PCDH15: variants seen among roughly 807,000 people sequenced by gnomAD.
The protein encoded by PCDH15 is protocadherin-15.
A neutral mutation model predicts 178.5 loss-of-function variants in PCDH15; 129 were observed. The ratio of observed to expected loss-of-function variants is 0.72; its 90% CI spans 0.63 to 0.84. The LOEUF is 0.84. Ranked by LOEUF, PCDH15 falls within the 40% of genes least tolerant of loss-of-function variation. PCDH15 has a pLI of 0.00. For synonymous variants in PCDH15, 800 were observed against 732.0 expected, an observed-to-expected ratio of 1.09 and a Z score of -1.50; for missense variants, 2,230 against 2,099.9, an observed-to-expected ratio of 1.06 and a Z score of -1.21.
intron 2 of PCDH15, among the ~76,000 whole-genome samples, chr10:55,538,320 G>A (rs1411402487): frequency 6.6e-6 from 1 of 152,186 alleles, no homozygotes; most frequent in Non-Finnish European, 1.5e-5. Flanking sequence ...TCCCCATCCA[G>A]ACTAAATAGA....
At chr10:54,356,534 C>T (rs1565064139) in intron 5 of PCDH15, among the ~76,000 whole-genome samples, 1 of 151,222 alleles carries the variant, frequency 6.6e-6, no homozygotes, top group Non-Finnish European at 1.5e-5. Context: ...TATATATACA[C>T]TTAATGTATG....
chr10:55,447,076 G>T (rs1336603174), intron 2 of PCDH15, among the ~76,000 whole-genome samples: 1 of 152,012 alleles, frequency 6.6e-6, no homozygotes, highest in Non-Finnish European at 1.5e-5. Flanking sequence ...GCATAAAGAA[G>T]TGTCAAACAC....
intron 3 of PCDH15, among the ~76,000 whole-genome samples, chr10:54,469,562 G>A (rs1305131320): frequency 6.7e-6 from 1 of 149,466 alleles, no homozygotes; most frequent in Non-Finnish European, 1.5e-5. Context: ...GGGCCATCAG[G>A]TGGGCCAGTC....
At chr10:53,915,061 G>A (rs1452769467) in intron 25 of PCDH15, among the ~76,000 whole-genome samples, 1 of 152,048 alleles carries the variant, frequency 6.6e-6, no homozygotes, top group African/African-American at 2.4e-5. Flanking sequence ...GGGGTTTATA[G>A]ATACATATTT....
chr10:54,428,127 G>C (rs1053170639), intron 3 of PCDH15, among the ~76,000 whole-genome samples: 5 of 152,096 alleles, frequency 3.3e-5, no homozygotes, highest in African/African-American at 9.7e-5. Context: ...ACACTCATAG[G>C]GGATATCAGC....
intron 1 of PCDH15, among the ~76,000 whole-genome samples, chr10:54,756,847 T>G (rs2133080992): frequency 6.6e-6 from 1 of 152,288 alleles, no homozygotes; most frequent in South Asian, 2.1e-4. Context: ...TCTCGGCACT[T>G]TAACTGTCTT....
chr10:55,611,984 G>T (rs775693819), intron 2 of PCDH15, among the ~76,000 whole-genome samples: 28 of 151,966 alleles, frequency 1.8e-4, no homozygotes, highest in Non-Finnish European at 4.0e-4. Flanking sequence ...ACTCATAGAA[G>T]TAAAGAGTAG....
intron 2 of PCDH15, among the ~76,000 whole-genome samples, chr10:55,491,286 G>A (rs1840409949): frequency 6.6e-6 from 1 of 151,720 alleles, no homozygotes; most frequent in Non-Finnish European, 1.5e-5. Flanking sequence ...TCCACCTCTA[G>A]ACTCAGTTGC....
At chr10:55,335,420 G>A (rs1294176184) in intron 2 of PCDH15, among the ~76,000 whole-genome samples, 1 of 152,142 alleles carries the variant, frequency 6.6e-6, no homozygotes, top group Non-Finnish European at 1.5e-5. Flanking sequence ...TACTGATTAG[G>A]AGATTAGGGA....
At chr10:54,640,385 T>C (rs1001541313) in intron 2 of PCDH15, among the ~76,000 whole-genome samples, 8 of 152,024 alleles carry the variant, frequency 5.3e-5, no homozygotes, top group Non-Finnish European at 1.0e-4. Flanking sequence ...ACACTTGAGA[T>C]ATATAAGTAT....
intron 16 of PCDH15, among the ~76,000 whole-genome samples, chr10:54,088,192 C>T (rs1158902912): frequency 1.3e-5 from 2 of 152,132 alleles, no homozygotes; most frequent in Admixed American, 6.6e-5. Flanking sequence ...ATTTCAGTAT[C>T]TCCACATTCT....
At chr10:55,296,134 G>T (rs995556423) in intron 1 of PCDH15, among the ~76,000 whole-genome samples, 1 of 152,150 alleles carries the variant, frequency 6.6e-6, no homozygotes, top group Non-Finnish European at 1.5e-5. Context: ...GTGGATTATG[G>T]GGTGTGGAGC....
chr10:53,888,331 TGTAC>T, intron 26 of PCDH15, among the ~76,000 whole-genome samples: 2 of 93,284 alleles, frequency 2.1e-5, no homozygotes, highest in African/African-American at 3.5e-5. Context: ...CGTATATATA[TGTAC>T]GTATATATAT....
At chr10:55,557,476 G>C (rs944683012) in intron 2 of PCDH15, among the ~76,000 whole-genome samples, 3 of 152,144 alleles carry the variant, frequency 2.0e-5, no homozygotes, top group African/African-American at 7.2e-5. Context: ...TTATAAGCCA[G>C]AAGTGATGAA....
intron 3 of PCDH15, among the ~76,000 whole-genome samples, chr10:54,413,252 A>G (rs777496478): frequency 6.6e-6 from 1 of 152,160 alleles, no homozygotes; most frequent in Non-Finnish European, 1.5e-5. Flanking sequence ...ATAATAATAC[A>G]TGGTTGGCTA....
chr10:54,551,903 T>C (rs1204276428), intron 2 of PCDH15, among the ~76,000 whole-genome samples: 2 of 152,062 alleles, frequency 1.3e-5, no homozygotes, highest in East Asian at 3.9e-4. Flanking sequence ...TTCATATTTA[T>C]AAACACATAT....
intron 3 of PCDH15, among the ~76,000 whole-genome samples, chr10:54,444,863 T>C (rs1047855908): frequency 6.6e-6 from 1 of 151,656 alleles, no homozygotes; most frequent in African/African-American, 2.4e-5. Flanking sequence ...CATATTTTTT[T>C]ATCACAACAA....
intron 37 of PCDH15, chr10:53,808,016 A>ATAGTT (rs1318567601): frequency 6.6e-6 from 1 of 152,090 alleles, no homozygotes. Context: ...TTTCAAAATT[A>ATAGTT]TAGTTTATTT....
chr10:54,058,122 T>C (rs10763062), intron 18 of PCDH15, among the ~76,000 whole-genome samples: 91,305 of 152,026 alleles, frequency 0.6, 27,571 homozygotes, highest in Middle Eastern at 0.75. Flanking sequence ...TACCAAACTT[T>C]CCCACATTTT....
Sources: allele counts gnomAD v4.1 joint callset (sites outside exome capture counted in the v4.1 genomes callset), GRCh38; gene constraint gnomAD v4.1.1; transcripts MANE v1.5; gene names NCBI Gene and HGNC (gene_info 2026-07-23, HGNC 2026-07-21).